Variants in GGT1 observed in about 807,000 individuals in gnomAD.
GGT1 encodes gamma-glutamyltransferase 1.
In GGT1, 21 loss-of-function variants were observed where a neutral mutation model predicts 56.0. That is an observed-to-expected ratio of 0.38 (90% confidence interval 0.27 to 0.54). GGT1 has a LOEUF of 0.54. GGT1 is among the 20% of genes least tolerant of loss of function. The probability of loss-of-function intolerance (pLI) is 0.82; values close to 1 mark genes in which losing one functional copy is unlikely to be tolerated. For synonymous variants in GGT1, 238 were observed against 342.6 expected, an observed-to-expected ratio of 0.69 and a Z score of 3.37; for missense variants, 466 against 787.0, an observed-to-expected ratio of 0.59 and a Z score of 4.88.
At position 24,620,328 on chromosome 22, in the gene GGT1, G is replaced by T; in HGVS notation, c.383G>T (p.Gly128Val). 6.2e-7 allele frequency: 1 copy of T among 1,611,684 alleles called. No individual in the cohort carries two copies. Among genetic ancestry groups the T allele is most frequent in the Non-Finnish European group, 8.5e-7 (1 of 1,179,744 alleles). ...MFNSSEQSQKGGLSVAVPGEI... is the reference protein window; with the variant it reads ...MFNSSEQSQKVGLSVAVPGEI... The stretch of plus-strand genomic sequence containing the variant: ...ACTAACTATGGCTCTCTCTCCCCAG[G>T]GGGGCTGTCGGTGGCGGTGCCTGGG... Residue 128 changes from glycine (G) to valine (V), a missense_variant and splice_region_variant, in exon 8 of 16, where the codon GGG becomes GTG. This residue lies in a region of GGT1 where 456 missense variants were observed against 716.7 expected (regional missense o/e 0.64). Transcript: ENST00000400382. This position sits in a 1 kb window ranked among gnomAD's most constrained non-coding sequence, Gnocchi z 5.6.
chr22:24,625,790 A>G (rs2047716681), intron 11 of GGT1, among the ~76,000 whole-genome samples: 1 of 150,612 alleles, frequency 6.6e-6, no homozygotes, highest in South Asian at 2.1e-4. Flanking sequence ...CGGCCTCCCA[A>G]AGTGCTGGGA....
At chr22:24,591,364 C>G (rs1364322781), upstream of GGT1, among the ~76,000 whole-genome samples, 1 of 152,238 alleles carries the variant, frequency 6.6e-6, no homozygotes, top group African/African-American at 2.4e-5. Context: ...TAGGCGTGAG[C>G]CACTGCATCT....
Position 24,628,403 on chromosome 22 carries a change from G to A in GGT1, c.1563+15G>A, listed in dbSNP as rs888224741. Reference sequence around the variant, plus strand: ...ACATTGACCAGGTGGGCCGGGGGTTGGAGAAACTGAGTCAAGGTGTGGGGC... The same window carrying A: ...ACATTGACCAGGTGGGCCGGGGGTTAGAGAAACTGAGTCAAGGTGTGGGGC... On this transcript the variant is annotated intron_variant, in intron 15 of 15. Transcript: ENST00000400382. This position sits in a 1 kb window ranked among gnomAD's most constrained non-coding sequence, Gnocchi z 5.7. 6.2e-7 allele frequency: 1 copy of A among 1,609,388 alleles called. No homozygotes were observed. The highest frequency in any genetic ancestry group is 8.5e-7 in the Non-Finnish European group (1 of 1,179,868).
chr22:24,586,592 C>T, the GGT1 span, among the ~76,000 whole-genome samples: 1 of 152,248 alleles, frequency 6.6e-6, no homozygotes, highest in African/African-American at 2.4e-5. Context: ...AGTGCAGTGG[C>T]ACAATCTCGG....
intron 7 of GGT1, among the ~76,000 whole-genome samples, chr22:24,617,822 G>A (rs2047166899): frequency 6.6e-6 from 1 of 152,006 alleles, no homozygotes; most frequent in Non-Finnish European, 1.5e-5. Context: ...AATGGAGGCT[G>A]AAGCTCAGAT....
At chr22:24,588,401 C>T in the GGT1 span, 2 of 1,190,502 alleles carry the variant, frequency 1.7e-6, no homozygotes, top group South Asian at 1.3e-5. Context: ...GGGAGAGGGA[C>T]CCAGGCAGCC....
At chr22:24,596,449 C>A (rs1033261241) in intron 1 of GGT1, among the ~76,000 whole-genome samples, 3 of 152,096 alleles carry the variant, frequency 2.0e-5, no homozygotes, top group Admixed American at 1.3e-4. Flanking sequence ...GTCTGTGTGG[C>A]CTTCACATGG....
chr22:24,620,946 G>T lies in GGT1; in HGVS notation c.609G>T (p.Arg203=). 6.2e-7 allele frequency: 1 copy of T among 1,612,018 alleles called. No individual in the cohort carries two copies. Among genetic ancestry groups the T allele is most frequent in the South Asian group, 1.1e-5 (1 of 90,988 alleles). ...TCTGCCGGGATAGAAAGGTGCTTCGGGAGGGGGAGAGACTGACCCTGCCGC... is the reference window on the plus strand; with the variant it reads ...TCTGCCGGGATAGAAAGGTGCTTCGTGAGGGGGAGAGACTGACCCTGCCGC... The part of the protein sequence containing the change: ...EVFCRDRKVL[R]EGERLTLPQL... Residue 203 remains arginine, a synonymous_variant, in exon 9 of 16, where the codon CGG becomes CGT. Coordinates refer to ENST00000400382, the MANE Select transcript of GGT1 (RefSeq NM_001288833.2). This position sits in a 1 kb window ranked among gnomAD's most constrained non-coding sequence, Gnocchi z 5.6.
the GGT1 span, chr22:24,585,913 G>C: frequency 4.4e-6 from 7 of 1,600,854 alleles, no homozygotes; most frequent in Non-Finnish European, 5.1e-6. Flanking sequence ...CCTGGGGCTC[G>C]GGTCCCAGCC....
chr22:24,605,542 GTGTATTA>G (rs2046137141), intron 1 of GGT1, among the ~76,000 whole-genome samples: 1 of 60,044 alleles, frequency 1.7e-5, no homozygotes, highest in Non-Finnish European at 2.4e-5. Context: ...ATTATATAAT[GTGTATTA>G]TATATTATAT....
rs1388728921 is a variant in GGT1 at position 24,628,892 on chromosome 22, G to A, written c.*53G>A. ...CAATCCAGGGACAAGATACTCACCAGGACCAGGAAGGGGACTCTGGGGGAC... is the reference window on the plus strand; with the variant it reads ...CAATCCAGGGACAAGATACTCACCAAGACCAGGAAGGGGACTCTGGGGGAC... On this transcript the variant is annotated 3_prime_UTR_variant, in exon 16 of 16. Transcript: ENST00000400382. This position sits in a 1 kb window ranked among gnomAD's most constrained non-coding sequence, Gnocchi z 5.7. The A allele has an allele frequency of 4.4e-6, 7 of 1,594,022 alleles. No homozygotes were observed. Among genetic ancestry groups the A allele is most frequent in the Non-Finnish European group, 6.0e-6 (7 of 1,169,600 alleles).
chr22:24,601,144 A>G (rs538295699), upstream of GGT1, among the ~76,000 whole-genome samples: 66 of 152,322 alleles, frequency 4.3e-4, no homozygotes, highest in African/African-American at 1.6e-3. Flanking sequence ...TCTGGCTCCC[A>G]GGGGTCCCTG....
chr22:24,593,993 C>T (rs967988383), upstream of GGT1, among the ~76,000 whole-genome samples: 2 of 152,336 alleles, frequency 1.3e-5, no homozygotes, highest in African/African-American at 2.4e-5. Flanking sequence ...TCTGGGCAAG[C>T]TGGCAGCAGG....
At chr22:24,618,530 G>T (rs998018635) in intron 7 of GGT1, among the ~76,000 whole-genome samples, 1 of 152,258 alleles carries the variant, frequency 6.6e-6, no homozygotes, top group Non-Finnish European at 1.5e-5. Flanking sequence ...GGCGGAGGTT[G>T]TAGTGAGCTG....
At position 24,628,057 on chromosome 22, in the gene GGT1, C is replaced by T. The variant is rs747046109; in HGVS notation, c.1337-24C>T. ...CCTGGGCAGGCAGCTGACGGGCATCCCTGTCTTCTCCCATCGGCCGCAGGG... is the reference window on the plus strand; with the variant it reads ...CCTGGGCAGGCAGCTGACGGGCATCTCTGTCTTCTCCCATCGGCCGCAGGG... On this transcript the variant is annotated intron_variant, in intron 13 of 15. Transcript: ENST00000400382. The surrounding 1 kb of genome is among the most constrained non-coding windows in gnomAD (Gnocchi z 5.7). 64 of 1,611,476 alleles carry T rather than the reference C, an allele frequency of 4.0e-5. No individual in the cohort carries two copies. Among genetic ancestry groups the T allele is most frequent in the Non-Finnish European group, 5.2e-5 (61 of 1,179,776 alleles).
intron 5 of GGT1, 34 bp downstream of exon 5, chr22:24,611,279 A>C: frequency 7.5e-7 from 1 of 1,332,576 alleles, no homozygotes; most frequent in South Asian, 1.3e-5. Flanking sequence ...ATGGGCCCTG[A>C]AAACTGGGCA....
intron 7 of GGT1, among the ~76,000 whole-genome samples, chr22:24,618,885 G>A (rs1172555083): frequency 6.6e-6 from 1 of 152,184 alleles, no homozygotes; most frequent in Non-Finnish European, 1.5e-5. Context: ...AGTGTCTGTA[G>A]TGTCCTTATG....
chr22:24,586,158 G>A, the GGT1 span: 1,577 of 1,613,496 alleles, frequency 9.8e-4, 15 homozygotes, highest in African/African-American at 0.018. Flanking sequence ...GTGAGCTTGC[G>A]GGCAGTGGCC....
chr22:24,585,827 C>G, the GGT1 span: 329 of 1,447,828 alleles, frequency 2.3e-4, no homozygotes, highest in Non-Finnish European at 2.9e-4. Context: ...CTTCATCGCC[C>G]ACTATCATGT....
Sources: allele counts gnomAD v4.1 joint callset (sites outside exome capture counted in the v4.1 genomes callset), GRCh38; gene constraint gnomAD v4.1.1; regional missense constraint gnomAD v4.1.1; non-coding constraint Gnocchi (gnomAD v3.1); transcripts MANE v1.5; gene names NCBI Gene and HGNC (gene_info 2026-07-23, HGNC 2026-07-21).